Variants in TNNI3K observed in about 807,000 individuals in gnomAD.
TNNI3K encodes the protein TNNI3 interacting kinase.
Under a neutral mutation model 114.5 loss-of-function variants are expected in TNNI3K, and 140 were observed. That is an observed-to-expected ratio of 1.22 (90% CI 1.07 to 1.41). TNNI3K has a LOEUF of 1.41. TNNI3K is among the 40% of genes most tolerant of loss of function. The pLI is 0.00. For missense variants in TNNI3K, 1,125 were observed against 1,007.6 expected (o/e 1.12, Z -1.58); for synonymous variants, 347 against 347.5 (o/e 1.00, Z 0.02).
intron 17 of TNNI3K, among the ~76,000 whole-genome samples, chr1:74,399,547 G>A (rs1051700437): frequency 5.9e-5 from 9 of 151,888 alleles, no homozygotes; most frequent in African/African-American, 2.2e-4. Context: ...TGATCACTGA[G>A]ACAGCCTTAT....
intron 23 of TNNI3K, among the ~76,000 whole-genome samples, chr1:74,496,521 A>G (rs1570700749): frequency 6.6e-6 from 1 of 152,076 alleles, no homozygotes; most frequent in African/African-American, 2.4e-5. Flanking sequence ...TTACTTTTCA[A>G]TTTTTGGTCA....
At chr1:74,445,928 C>G (rs1666645307) in intron 20 of TNNI3K, among the ~76,000 whole-genome samples, 1 of 152,168 alleles carries the variant, frequency 6.6e-6, no homozygotes, top group African/African-American at 2.4e-5. Context: ...TTTTCTTAAT[C>G]CAGTCTATCA....
At chr1:74,421,950 TTTATTATTATTATTA>T (rs137874168) in intron 17 of TNNI3K, among the ~76,000 whole-genome samples, 10,340 of 145,368 alleles carry the variant, frequency 0.071, 482 homozygotes, top group African/African-American at 0.13. Context: ...CTGGATTGCT[TTTATTATTATTATTA>T]TTATTATTAT....
At chr1:74,483,484 G>A (rs1668602119) in intron 21 of TNNI3K, 1 of 553,994 alleles carries the variant, frequency 1.8e-6, no homozygotes, top group Non-Finnish European at 3.3e-6. Flanking sequence ...TGTTCAATGA[G>A]CATCTTGGTG....
chr1:74,454,147 A>C (rs1218564257), intron 20 of TNNI3K, among the ~76,000 whole-genome samples: 2 of 152,152 alleles, frequency 1.3e-5, no homozygotes, highest in East Asian at 1.9e-4. Flanking sequence ...ATTCAGGCAT[A>C]AAATGTGTAA....
intron 5 of TNNI3K, among the ~76,000 whole-genome samples, chr1:74,300,485 G>C (rs2100320075): frequency 6.6e-6 from 1 of 152,336 alleles, no homozygotes; most frequent in South Asian, 2.1e-4. Flanking sequence ...TCATTTTGAT[G>C]TTAGAAGATC....
chr1:74,421,039 T>C lies in TNNI3K; in HGVS notation c.1773-15041T>C, dbSNP rs140132060. ...GCTTAGCGTTCCAATAATGGAACAC[T>C]AGGAATAAGTGGGTTTAAAAATATC... On this transcript the variant is annotated intron_variant, in intron 17 of 24. Transcript: ENST00000326637. Among the ~76,000 whole-genome samples the C allele has an allele frequency of 3.5e-3, 540 of 152,210 alleles. 2 individuals carry two copies. Among genetic ancestry groups the C allele is most frequent in the African/African-American group, 0.012 (514 of 41,540 alleles).
intron 5 of TNNI3K, among the ~76,000 whole-genome samples, chr1:74,308,996 T>C (rs995391328): frequency 3.3e-5 from 5 of 152,052 alleles, no homozygotes; most frequent in African/African-American, 1.2e-4. Context: ...ATTATGAAAC[T>C]GAATCAGTGA....
chr1:74,366,646 A>G (rs186017151), intron 11 of TNNI3K: 3 of 152,094 alleles, frequency 2.0e-5, no homozygotes, highest in Admixed American at 2.0e-4. Flanking sequence ...TCATGAAAAT[A>G]TGTCGCAAGG....
rs1366585297 is a variant in TNNI3K, at chr1:74,331,496, A to T, written c.491A>T (p.Asp164Val). 3 of 1,613,854 alleles carry T rather than the reference A, an allele frequency of 1.9e-6. No individual in the cohort carries two copies. Among genetic ancestry groups the T allele is most frequent in the Middle Eastern group, 1.6e-4 (1 of 6,062 alleles). Residue 164 changes from aspartate to valine, a missense_variant, in exon 6 of 25, where the codon GAT (aspartate) becomes GTT (valine). Physicochemically the swap from Asp to Val is radical, Grantham distance 152. Transcript: ENST00000326637. ...LQHGANVNIQ[D>V]AVFFTPLHIA... is the part of the protein sequence containing the mutation. ...CATGGAGCTAATGTCAATATTCAAG[A>T]TGCAGTTTTTTTCACTCCATTGCAT...
At chr1:74,501,980 T>C (rs889221620) in intron 23 of TNNI3K, among the ~76,000 whole-genome samples, 1 of 152,184 alleles carries the variant, frequency 6.6e-6, no homozygotes, top group Admixed American at 6.5e-5. Flanking sequence ...TTTTATTTTT[T>C]CTGATTTACC....
At position 74,342,402 on chromosome 1, in the gene TNNI3K, T is replaced by C. The variant is rs529875728; in HGVS notation, c.683-440T>C. Among the ~76,000 whole-genome samples the C allele has an allele frequency of 2.6e-5, 4 of 152,268 alleles. No homozygotes were observed. In the South Asian group the frequency reaches 8.3e-4, roughly 32 times the overall value. On this transcript the variant is annotated intron_variant, in intron 7 of 24. Coordinates refer to ENST00000326637, the MANE Select transcript of TNNI3K (RefSeq NM_015978.3). The stretch of plus-strand genomic sequence containing the variant: ...GCTGTTTACAACAGTGTTGTAAACA[T>C]ACAGATTGTGGGGCCCCACTCTAAC...
At chr1:74,446,776 A>G (rs1211486275) in intron 20 of TNNI3K, among the ~76,000 whole-genome samples, 2 of 145,884 alleles carry the variant, frequency 1.4e-5, no homozygotes, top group Non-Finnish European at 3.0e-5. Context: ...CAGTTTTCCC[A>G]GCACCATTTA....
At chr1:74,541,091 A>G in intron 24 of TNNI3K, among the ~76,000 whole-genome samples, 1 of 152,140 alleles carries the variant, frequency 6.6e-6, no homozygotes, top group East Asian at 1.9e-4. Context: ...ACTTCCTTTG[A>G]CTATTTGAAG....
chr1:74,313,261 G>A (rs937657429), intron 5 of TNNI3K, among the ~76,000 whole-genome samples: 2 of 152,036 alleles, frequency 1.3e-5, no homozygotes, highest in Admixed American at 6.6e-5. Flanking sequence ...TATCTCTACC[G>A]TTCTTCTCTC....
chr1:74,239,436 A>C (rs2100825818), intron 2 of TNNI3K, among the ~76,000 whole-genome samples: 1 of 152,230 alleles, frequency 6.6e-6, no homozygotes, highest in African/African-American at 2.4e-5. Flanking sequence ...TAGGTGCTAA[A>C]TAAATGTTAG....
chr1:74,473,611 C>T (rs1475542815), intron 21 of TNNI3K, among the ~76,000 whole-genome samples: 1 of 151,764 alleles, frequency 6.6e-6, no homozygotes, highest in African/African-American at 2.4e-5. Context: ...GTACTCTCAG[C>T]TCCTAAGGGT....
At chr1:74,371,990 G>T (rs1292537807) in intron 17 of TNNI3K, 3 of 149,888 alleles carry the variant, frequency 2.0e-5, no homozygotes, top group Non-Finnish European at 4.4e-5. Flanking sequence ...AAAATACAGA[G>T]TTTATTCAAG....
chr1:74,290,317 A>G (rs1657602031), intron 5 of TNNI3K, among the ~76,000 whole-genome samples: 1 of 151,356 alleles, frequency 6.6e-6, no homozygotes, highest in Non-Finnish European at 1.5e-5. Flanking sequence ...CACTTTTATA[A>G]TATTTGTAAT....
Sources: allele counts gnomAD v4.1 joint callset (sites outside exome capture counted in the v4.1 genomes callset), GRCh38; gene constraint gnomAD v4.1.1; transcripts MANE v1.5; gene names NCBI Gene and HGNC (gene_info 2026-07-23, HGNC 2026-07-21).